Variants in CNBD1 observed in about 807,000 individuals in gnomAD.
CNBD1 encodes the protein cyclic nucleotide binding domain containing 1, also known as cyclic nucleotide-binding domain-containing protein 1.
In CNBD1, 71 loss-of-function variants were observed where a neutral mutation model predicts 54.4. That is an observed-to-expected ratio of 1.30 (90% CI 1.08 to 1.59). The LOEUF is 1.59. Ranked by LOEUF, CNBD1 falls within the 40% of genes most tolerant of loss-of-function variation. The pLI, the probability that CNBD1 is intolerant of heterozygous loss-of-function variation, is 0.00. For missense variants in CNBD1, 659 were observed against 518.0 expected (o/e 1.27, Z -2.64); for synonymous variants, 182 against 170.7 (o/e 1.07, Z -0.51).
chr8:87,065,040 A>G (rs2130644472), intron 4 of CNBD1, among the ~76,000 whole-genome samples: 1 of 151,964 alleles, frequency 6.6e-6, no homozygotes, highest in Non-Finnish European at 1.5e-5. Context: ...GAAATTCTCC[A>G]TCTATGTTTA....
At chr8:86,972,574 A>G (rs573844567) in intron 4 of CNBD1, among the ~76,000 whole-genome samples, 15 of 152,332 alleles carry the variant, frequency 9.8e-5, no homozygotes, top group African/African-American at 3.6e-4. Context: ...CATATGAAGT[A>G]CTTAAATGTA....
rs144786809 is a variant in CNBD1, at chr8:86,987,554, G to C, written c.431+47800G>C. On this transcript the variant is annotated intron_variant, in intron 4 of 10. Transcript: ENST00000518476. ...CAGTACTATGTTGAATAGGAGTGGT[G>C]AGAGTGGGCTTCCTTGTCTTGTTCC... Among the ~76,000 whole-genome samples the C allele has an allele frequency of 3.8e-4, 58 of 152,270 alleles. No individual in the cohort carries two copies. In the East Asian group the frequency reaches 0.011, roughly 28 times the overall value.
At chr8:87,233,540 A>G (rs946146817) in intron 5 of CNBD1, among the ~76,000 whole-genome samples, 1 of 152,178 alleles carries the variant, frequency 6.6e-6, no homozygotes, top group Non-Finnish European at 1.5e-5. Context: ...AGTGAATCCT[A>G]ATCTTTTTCT....
intron 4 of CNBD1, among the ~76,000 whole-genome samples, chr8:87,057,191 A>G (rs1389634925): frequency 6.6e-6 from 1 of 152,200 alleles, no homozygotes; most frequent in East Asian, 1.9e-4. Context: ...TGGGTAATTT[A>G]CAAAGGAAAG....
intron 4 of CNBD1, among the ~76,000 whole-genome samples, chr8:87,143,351 G>A (rs79181248): frequency 6.6e-6 from 1 of 151,988 alleles, no homozygotes; most frequent in African/African-American, 2.4e-5. Flanking sequence ...TTTTCAAGCC[G>A]GCAGATTGTC....
intron 4 of CNBD1, among the ~76,000 whole-genome samples, chr8:87,203,098 A>C (rs1813898086): frequency 6.6e-6 from 1 of 152,178 alleles, no homozygotes; most frequent in Admixed American, 6.5e-5. Flanking sequence ...GTTATTTAAC[A>C]ATTCTGTGCA....
At chr8:87,204,728 A>G (rs1813933461) in intron 4 of CNBD1, among the ~76,000 whole-genome samples, 1 of 152,136 alleles carries the variant, frequency 6.6e-6, no homozygotes, top group Non-Finnish European at 1.5e-5. Context: ...AAAATAAACA[A>G]AAAAAGAAAA....
intron 6 of CNBD1, among the ~76,000 whole-genome samples, chr8:87,247,780 G>A (rs1807836568): frequency 6.6e-6 from 1 of 152,138 alleles, no homozygotes; most frequent in African/African-American, 2.4e-5. Flanking sequence ...TGTGAGTTAA[G>A]GGCATTTAAT....
chr8:87,342,677 G>T (rs772159170), intron 8 of CNBD1, among the ~76,000 whole-genome samples: 1 of 152,080 alleles, frequency 6.6e-6, no homozygotes, highest in Non-Finnish European at 1.5e-5. Context: ...TGGTAGGGCC[G>T]TGATGGCGAC....
chr8:86,910,340 G>T (rs950394542), intron 3 of CNBD1, among the ~76,000 whole-genome samples: 2 of 152,078 alleles, frequency 1.3e-5, no homozygotes, highest in Non-Finnish European at 2.9e-5. Flanking sequence ...ACCTTTCTCC[G>T]TGTGGCAGGG....
intron 6 of CNBD1, among the ~76,000 whole-genome samples, chr8:87,243,183 A>G (rs749678046): frequency 6.6e-6 from 1 of 152,232 alleles, no homozygotes; most frequent in African/African-American, 2.4e-5. Context: ...CTGAGGTTTT[A>G]TCAGATATCT....
At chr8:87,118,598 T>C (rs1395615600) in intron 4 of CNBD1, among the ~76,000 whole-genome samples, 1 of 152,140 alleles carries the variant, frequency 6.6e-6, no homozygotes, top group Non-Finnish European at 1.5e-5. Flanking sequence ...TGGAATACAG[T>C]GAACAGGACA....
chr8:87,378,435 C>G (rs1419185261), intron 10 of CNBD1, among the ~76,000 whole-genome samples: 1 of 150,742 alleles, frequency 6.6e-6, no homozygotes, highest in African/African-American at 2.5e-5. Flanking sequence ...TCTTGTTTTT[C>G]TCAGGTTTTT....
chr8:87,232,497 C>T (rs938334922), intron 5 of CNBD1, among the ~76,000 whole-genome samples: 3 of 152,016 alleles, frequency 2.0e-5, no homozygotes, highest in Non-Finnish European at 2.9e-5. Context: ...CAAATAAATG[C>T]GCTTATTCAA....
At chr8:87,355,995 C>T (rs1449424182) in intron 10 of CNBD1, among the ~76,000 whole-genome samples, 3 of 151,966 alleles carry the variant, frequency 2.0e-5, no homozygotes, top group Non-Finnish European at 4.4e-5. Flanking sequence ...GTTTCTCTTG[C>T]TCCTTCTTTC....
intron 4 of CNBD1, among the ~76,000 whole-genome samples, chr8:87,162,092 A>G (rs1812869219): frequency 1.3e-5 from 2 of 152,120 alleles, no homozygotes; most frequent in Non-Finnish European, 1.5e-5. Context: ...CTTCAAACAC[A>G]TGCAAAGTCT....
chr8:87,231,199 CTTTTA>C (rs1814682555), intron 5 of CNBD1, among the ~76,000 whole-genome samples: 1 of 152,186 alleles, frequency 6.6e-6, no homozygotes, highest in South Asian at 2.1e-4. Flanking sequence ...CATATATTTA[CTTTTA>C]TTTTAAACTT....
At chr8:87,214,781 A>G (rs1814172944) in intron 5 of CNBD1, among the ~76,000 whole-genome samples, 1 of 152,174 alleles carries the variant, frequency 6.6e-6, no homozygotes, top group Non-Finnish European at 1.5e-5. Flanking sequence ...GCCAAGCGAA[A>G]ATGGAAACCC....
At chr8:87,249,775 G>T (rs536986217) in intron 6 of CNBD1, among the ~76,000 whole-genome samples, 6 of 152,144 alleles carry the variant, frequency 3.9e-5, no homozygotes, top group African/African-American at 9.7e-5. Context: ...TCAGGAGTTA[G>T]TTTGACAGTA....
Sources: gnomAD v4.1 joint callset for allele counts (sites outside exome capture counted in the v4.1 genomes callset) on GRCh38, gnomAD v4.1.1 for gene constraint, MANE v1.5 for transcripts, NCBI Gene and HGNC (gene_info 2026-07-23, HGNC 2026-07-21) for gene names.